L3MBTL4: variants seen among roughly 807,000 people sequenced by gnomAD.
L3MBTL4 encodes lethal(3)malignant brain tumor-like protein 4.
In L3MBTL4, 70 loss-of-function variants were observed where a neutral mutation model predicts 84.5. The ratio of observed to expected loss-of-function variants is 0.83; its 90% CI spans 0.68 to 1.01. The LOEUF (loss-of-function observed/expected upper bound fraction) is 1.01. Ranked by LOEUF, L3MBTL4 falls within the 50% of genes least tolerant of loss-of-function variation. The pLI is 0.00. For synonymous variants in L3MBTL4, 274 were observed against 259.8 expected (o/e 1.05, Z -0.52); for missense variants, 715 against 754.8 (o/e 0.95, Z 0.62).
chr18:6,049,649 A>G (rs911768077), intron 16 of L3MBTL4, among the ~76,000 whole-genome samples: 2 of 152,218 alleles, frequency 1.3e-5, no homozygotes, highest in Non-Finnish European at 1.5e-5. Flanking sequence ...CGTGGTTATA[A>G]GTGGGAGTTA....
At chr18:6,198,999 T>A (rs1461947626) in intron 12 of L3MBTL4, among the ~76,000 whole-genome samples, 1 of 152,198 alleles carries the variant, frequency 6.6e-6, no homozygotes, top group African/African-American at 2.4e-5. Context: ...GTTTAACCAA[T>A]TTCTCCCCAC....
At chr18:6,369,435 A>G (rs1423698267) in intron 1 of L3MBTL4, among the ~76,000 whole-genome samples, 1 of 152,168 alleles carries the variant, frequency 6.6e-6, no homozygotes, top group Non-Finnish European at 1.5e-5. Flanking sequence ...CCTCACCACA[A>G]AGAACTCTCT....
At position 6,023,571 on chromosome 18, in the gene L3MBTL4, G is replaced by T. The variant is rs951920720; in HGVS notation, c.1445-54009C>A. The stretch of plus-strand genomic sequence containing the variant: ...GCTACAAGCATTTACCAAGTACCCC[G>T]TTTTGATAAGCACCATGCTGGACAT... On this transcript the variant is annotated intron_variant, in intron 16 of 18. Transcript: ENST00000317931. 2.6e-5 allele frequency among the ~76,000 whole-genome samples: 4 copies of T among 152,166 alleles called. No homozygotes were observed. In the South Asian group the frequency reaches 8.3e-4, roughly 32 times the overall value.
intron 14 of L3MBTL4, among the ~76,000 whole-genome samples, chr18:6,095,197 C>A (rs756718186): frequency 7.2e-5 from 11 of 152,116 alleles, no homozygotes; most frequent in Non-Finnish European, 1.0e-4. Flanking sequence ...ACTGAATACC[C>A]AAAGGTATTA....
At chr18:6,399,933 G>A (rs1474808290) in intron 1 of L3MBTL4, 1 of 152,064 alleles carries the variant, frequency 6.6e-6, no homozygotes, top group Admixed American at 6.6e-5. Flanking sequence ...ATGGCTAGGA[G>A]TTAACCACCA....
chr18:6,124,097 T>G (rs907056129), intron 14 of L3MBTL4, among the ~76,000 whole-genome samples: 5 of 152,090 alleles, frequency 3.3e-5, no homozygotes, highest in Admixed American at 6.5e-5. Flanking sequence ...AACATCTCAG[T>G]GGAGGGATGA....
At chr18:6,222,949 T>TTA (rs1555694507) in intron 10 of L3MBTL4, among the ~76,000 whole-genome samples, 195 of 145,640 alleles carry the variant, frequency 1.3e-3, no homozygotes, top group African/African-American at 4.6e-3. Context: ...AATTTTTCTA[T>TTA]TATAATATAA....
At chr18:6,053,309 T>A (rs1392335467) in intron 16 of L3MBTL4, among the ~76,000 whole-genome samples, 2 of 152,190 alleles carry the variant, frequency 1.3e-5, no homozygotes, top group Non-Finnish European at 2.9e-5. Flanking sequence ...GGACTGGAAC[T>A]GGGTTAGACT....
chr18:6,286,843 G>T (rs1305793917), intron 4 of L3MBTL4, among the ~76,000 whole-genome samples: 3 of 152,106 alleles, frequency 2.0e-5, no homozygotes, highest in African/African-American at 7.2e-5. Context: ...CTGGGAGTCG[G>T]CTGTGAAGGG....
At chr18:6,317,349 G>GA (rs1363274337) in intron 1 of L3MBTL4, among the ~76,000 whole-genome samples, 5 of 149,682 alleles carry the variant, frequency 3.3e-5, no homozygotes, top group Admixed American at 6.6e-5. Context: ...ATAAAGAAAT[G>GA]AAAAAAAAAT....
At chr18:6,133,948 T>C (rs758717355) in intron 14 of L3MBTL4, among the ~76,000 whole-genome samples, 3 of 152,112 alleles carry the variant, frequency 2.0e-5, no homozygotes, top group Non-Finnish European at 4.4e-5. Context: ...TACACAATCT[T>C]CAGTAAACAC....
At chr18:6,095,630 G>A (rs983090494) in intron 14 of L3MBTL4, among the ~76,000 whole-genome samples, 1 of 152,102 alleles carries the variant, frequency 6.6e-6, no homozygotes, top group Non-Finnish European at 1.5e-5. Flanking sequence ...GATTACAAGC[G>A]TGAGCCACCG....
At chr18:6,134,153 C>T (rs543024868) in intron 14 of L3MBTL4, among the ~76,000 whole-genome samples, 1 of 152,218 alleles carries the variant, frequency 6.6e-6, no homozygotes, top group South Asian at 2.1e-4. Flanking sequence ...AAAGCAGAAA[C>T]CCCTGATAAA....
chr18:6,391,542 T>A (rs935399033), intron 1 of L3MBTL4, among the ~76,000 whole-genome samples: 48 of 152,056 alleles, frequency 3.2e-4, no homozygotes, highest in African/African-American at 1.2e-3. Flanking sequence ...GGAGTCAAAC[T>A]AACACTGTTC....
intron 1 of L3MBTL4, among the ~76,000 whole-genome samples, chr18:6,393,254 G>C (rs1353276302): frequency 6.6e-6 from 1 of 152,106 alleles, no homozygotes. Flanking sequence ...TTAGCTTTCT[G>C]TGATGCTCCT....
At chr18:6,264,244 G>A (rs956716058) in intron 4 of L3MBTL4, among the ~76,000 whole-genome samples, 48 of 152,008 alleles carry the variant, frequency 3.2e-4, no homozygotes, top group African/African-American at 9.4e-4. Flanking sequence ...TTCCTGTTTC[G>A]GACCAGGCTA....
chr18:6,308,406 C>T (rs946883326), intron 3 of L3MBTL4, among the ~76,000 whole-genome samples: 3 of 152,140 alleles, frequency 2.0e-5, no homozygotes, highest in African/African-American at 7.2e-5. Context: ...CGAGCATATC[C>T]TTTGGTACAA....
Position 5,956,237 on chromosome 18 carries a change from G to A in L3MBTL4, c.1828C>T (p.Gln610Ter), listed in dbSNP as rs1219196016. 2 of 1,613,528 alleles carry A rather than the reference G, an allele frequency of 1.2e-6. No homozygotes were observed. Among genetic ancestry groups the A allele is most frequent in the South Asian group, 2.2e-5 (2 of 90,920 alleles). ...ELPEEDIASG[Q>*]EVRG ...GAGCCCATTCATCCCCTGACTTCTT[G>A]GCCTGAGGCAATATCTTCTTCAGGG... is the stretch of plus-strand genomic sequence containing the variant. Residue 610 changes from glutamine to a stop codon, truncating the protein, a stop_gained, in exon 19 of 19, where the codon CAA (glutamine) becomes TAA (stop). Transcript: ENST00000317931. LOFTEE classifies it high-confidence loss of function.
chr18:6,175,281 T>C (rs543010501), intron 12 of L3MBTL4, among the ~76,000 whole-genome samples: 5 of 152,208 alleles, frequency 3.3e-5, no homozygotes, highest in African/African-American at 1.2e-4. Flanking sequence ...AATGACATCT[T>C]TAAAACGCTA....
Sources: allele counts gnomAD v4.1 joint callset (sites outside exome capture counted in the v4.1 genomes callset), GRCh38; gene constraint gnomAD v4.1.1; transcripts MANE v1.5; gene names NCBI Gene and HGNC (gene_info 2026-07-23, HGNC 2026-07-21).